Variants in PRDM12 observed in about 807,000 individuals in gnomAD.
PRDM12 encodes the protein PR/SET domain 12, also known as PR domain zinc finger protein 12.
PRDM12 carries 17 observed loss-of-function variants against 29.6 expected under a neutral mutation model. That is an observed-to-expected ratio of 0.57 (90% confidence interval 0.39 to 0.86). The LOEUF (loss-of-function observed/expected upper bound fraction) is 0.86, where lower values mean the gene tolerates loss of function less well. Among genes scored for constraint, PRDM12 ranks in the 40% least tolerant of loss-of-function variants. The probability of loss-of-function intolerance (pLI) is 0.00; values close to 1 mark genes in which losing one functional copy is unlikely to be tolerated. For missense variants in PRDM12, 422 were observed against 510.8 expected (o/e 0.83, Z 1.68); for synonymous variants, 231 against 225.8 (o/e 1.02, Z -0.21).
chr9:130,679,303 A>G (rs1181644598), intron 4 of PRDM12, among the ~76,000 whole-genome samples: 1 of 122,588 alleles, frequency 8.2e-6, no homozygotes, highest in African/African-American at 2.9e-5. Flanking sequence ...ACCTCTGTGT[A>G]TTTTTTTTCT....
At chr9:130,675,976 C>T (rs894233736) in intron 3 of PRDM12, among the ~76,000 whole-genome samples, 6 of 152,322 alleles carry the variant, frequency 3.9e-5, no homozygotes, top group East Asian at 3.9e-4. Flanking sequence ...CCCTGACCCC[C>T]TCATTTGAGG....
In PRDM12 at chr9:130,681,861, G is replaced by GA; in HGVS notation, c.*192_*193insA. ...CGTGTCGCAGATGAGGACACTGAGG[G>GA]CGGCGTCCCTCACCCAGGCCACGCA... On this transcript the variant is annotated 3_prime_UTR_variant, in exon 5 of 5. Transcript: ENST00000253008. This position sits in a 1 kb window ranked among gnomAD's most constrained non-coding sequence, Gnocchi z 8.1. The GA allele has an allele frequency of 4.7e-6, 2 of 421,572 alleles. No homozygotes were observed. The highest frequency in any genetic ancestry group is 3.2e-6 in the Non-Finnish European group (1 of 314,506). 26.1% of individuals were successfully genotyped at this position (421,572 alleles called of 1,614,324 possible).
chr9:130,681,838 T>A lies in PRDM12; in HGVS notation c.*169T>A. On this transcript the variant is annotated 3_prime_UTR_variant, in exon 5 of 5. Coordinates refer to ENST00000253008, the MANE Select transcript of PRDM12 (RefSeq NM_021619.3). This position sits in a 1 kb window ranked among gnomAD's most constrained non-coding sequence, Gnocchi z 8.1. ...TCTCAGGCACCCCCGCCTTGGCCCGTGTCGCAGATGAGGACACTGAGGGCG... is the reference window on the plus strand; with the variant it reads ...TCTCAGGCACCCCCGCCTTGGCCCGAGTCGCAGATGAGGACACTGAGGGCG... 1.8e-6 allele frequency: 1 copy of A among 568,842 alleles called. No individual in the cohort carries two copies. Among genetic ancestry groups the A allele is most frequent in the Non-Finnish European group, 2.2e-6 (1 of 449,708 alleles). 35.2% of individuals were successfully genotyped at this position (568,842 alleles called of 1,614,324 possible).
rs757385860 is a variant in PRDM12, at chr9:130,678,568, A to G, written c.610A>G (p.Asn204Asp). ...PDQELLVWYG[N>D]SHNTFLGIPG... ...CCAGGAACTGCTGGTGTGGTACGGA[A>G]ACTCACACAACACCTTCCTGGGGAT... is the stretch of plus-strand genomic sequence containing the variant. The change falls in exon 4 of 5, where the codon AAC becomes GAC. Residue 204 changes from asparagine to aspartate, a missense_variant. Coordinates refer to ENST00000253008, the MANE Select transcript of PRDM12 (RefSeq NM_021619.3). 2 of 1,613,586 alleles carry G rather than the reference A, an allele frequency of 1.2e-6. No homozygotes were observed. Among genetic ancestry groups the G allele is most frequent in the Non-Finnish European group, 1.7e-6 (2 of 1,179,754 alleles).
rs1588183288 is a variant in PRDM12, at chr9:130,664,839, C to T, written c.186C>T (p.Ala62=). The change falls in exon 1 of 5, where the codon GCC becomes GCT. Residue 62 remains alanine, a synonymous_variant. Coordinates refer to ENST00000253008, the MANE Select transcript of PRDM12 (RefSeq NM_021619.3). This position sits in a 1 kb window ranked among gnomAD's most constrained non-coding sequence, Gnocchi z 6.4. ...DKSHHASPKT[A]FTAEVLAQSF... The stretch of plus-strand genomic sequence containing the variant: ...GCCACCACGCCAGCCCCAAGACAGC[C>T]TTCACCGCCGAGGTGCTGGCGCAGT... 6.4e-7 allele frequency: 1 copy of T among 1,551,244 alleles called. No individual in the cohort carries two copies. Among genetic ancestry groups the T allele is most frequent in the Middle Eastern group, 2.2e-4 (1 of 4,480 alleles).
At chr9:130,665,013 TG>T in intron 1 of PRDM12, 137 bp downstream of exon 1, 4 of 888,526 alleles carry the variant, frequency 4.5e-6, no homozygotes, top group Non-Finnish European at 6.6e-6. Context: ...CGGCGCTCGG[TG>T]CACCTCAGTT....
chr9:130,669,917 G>C (rs1470937557), intron 3 of PRDM12, among the ~76,000 whole-genome samples: 1 of 151,846 alleles, frequency 6.6e-6, no homozygotes, highest in Non-Finnish European at 1.5e-5. Flanking sequence ...GTGGGAAGAG[G>C]AGGGTGGGAA....
Position 130,681,922 on chromosome 9 carries a change from G to A in PRDM12, c.*253G>A, listed in dbSNP as rs1830909045. Reference sequence around the variant, plus strand: ...CTGTTCGGCCGCCTCCTCTGGGAGGGGGTCCCCCTGCCTGGCCTCGCCCCC... The same window carrying A: ...CTGTTCGGCCGCCTCCTCTGGGAGGAGGTCCCCCTGCCTGGCCTCGCCCCC... On this transcript the variant is annotated 3_prime_UTR_variant, in exon 5 of 5. Transcript: ENST00000253008. This position sits in a 1 kb window ranked among gnomAD's most constrained non-coding sequence, Gnocchi z 8.1. 1.0e-5 allele frequency: 2 copies of A among 200,394 alleles called. No individual in the cohort carries two copies. Among genetic ancestry groups the A allele is most frequent in the South Asian group, 3.5e-4 (2 of 5,764 alleles). The allele number at this position is 200,394 out of a possible 1,614,324, so 12.4% of individuals were successfully genotyped here. A position where few individuals can be genotyped will look rare whatever the true frequency, so the allele number is the denominator to read the frequency against.
At position 130,680,659 on chromosome 9, in the gene PRDM12, A is replaced by ATATATATATTTT; in HGVS notation, c.683-588_683-587insATATATATTTTT. Among the ~76,000 whole-genome samples, 102 of 72,148 alleles carry ATATATATATTTT rather than the reference A, an allele frequency of 1.4e-3. 1 individual carries two copies. The highest frequency in any genetic ancestry group is 5.9e-3 in the African/African-American group (76 of 12,864). The allele number at this position is 72,148 out of a possible 152,430, so 47.3% of individuals were successfully genotyped here. A position where few individuals can be genotyped will look rare whatever the true frequency, so the allele number is the denominator to read the frequency against. ...AATATATATATATATATATATATAT[A>ATATATATATTTT]TTTTTTTTTTTTTTAACTGATCCTT... On this transcript the variant is annotated intron_variant, in intron 4 of 4. Transcript: ENST00000253008.
chr9:130,666,371 C>T (rs959981522), intron 1 of PRDM12, among the ~76,000 whole-genome samples: 1 of 152,204 alleles, frequency 6.6e-6, no homozygotes, highest in African/African-American at 2.4e-5. Flanking sequence ...AAAAATGATC[C>T]CCAACGCACC....
chr9:130,668,236 A>G lies in PRDM12; in HGVS notation c.493A>G (p.Lys165Glu). The stretch of plus-strand genomic sequence containing the variant: ...CCACCGGAGCTGGATGACCTACATC[A>G]AGTGTGCACGTAACGAACAGGAGCA... ...EDHRSWMTYI[K>E]CARNEQEQNL... The change falls in exon 3 of 5, where the codon AAG (lysine) becomes GAG (glutamate). Residue 165 changes from lysine to glutamate, a missense_variant. Physicochemically the swap from Lys to Glu is moderately conservative, Grantham distance 56. This residue lies in a region of PRDM12 where 300 missense variants were observed against 350.0 expected (regional missense o/e 0.86). Coordinates refer to ENST00000253008, the MANE Select transcript of PRDM12 (RefSeq NM_021619.3). The surrounding 1 kb of genome is among the most constrained non-coding windows in gnomAD (Gnocchi z 4.0). 1 of 1,614,184 alleles carries G rather than the reference A, an allele frequency of 6.2e-7. No homozygotes were observed. The highest frequency in any genetic ancestry group is 8.5e-7 in the Non-Finnish European group (1 of 1,180,034).
intron 4 of PRDM12, among the ~76,000 whole-genome samples, chr9:130,680,659 A>ATATATATATATATATATATATATATTT: frequency 1.4e-5 from 1 of 72,198 alleles, no homozygotes. Context: ...ATATATATAT[A>ATATATATATATATATATATATATATTT]TTTTTTTTTT....
intron 3 of PRDM12, among the ~76,000 whole-genome samples, chr9:130,673,394 C>T (rs188596418): frequency 4.6e-5 from 7 of 152,258 alleles, no homozygotes; most frequent in Admixed American, 3.9e-4. Context: ...AGCCTGGGCA[C>T]GGGGCACAGA....
intron 4 of PRDM12, 33 bp downstream of exon 4, chr9:130,678,673 G>A (rs1830865418): frequency 1.3e-6 from 2 of 1,534,654 alleles, no homozygotes; most frequent in Admixed American, 3.4e-5. Context: ...CTGAGACACA[G>A]ACCCATGGAG....
At chr9:130,679,644 G>A (rs1245554363) in intron 4 of PRDM12, among the ~76,000 whole-genome samples, 3 of 150,330 alleles carry the variant, frequency 2.0e-5, no homozygotes, top group Non-Finnish European at 4.4e-5. Flanking sequence ...GTGAAATTTG[G>A]TTATCCATAT....
chr9:130,674,647 A>G (rs1830824708), intron 3 of PRDM12, among the ~76,000 whole-genome samples: 1 of 152,128 alleles, frequency 6.6e-6, no homozygotes, highest in East Asian at 1.9e-4. Context: ...TCGAAATGGC[A>G]AACGCTTCTG....
chr9:130,666,035 A>G (rs1830730582), intron 1 of PRDM12, among the ~76,000 whole-genome samples: 1 of 152,176 alleles, frequency 6.6e-6, no homozygotes, highest in African/African-American at 2.4e-5. Flanking sequence ...GGGGTCACAC[A>G]GCGAGCGCAG....
At chr9:130,666,478 C>G in intron 1 of PRDM12, 130 bp from the exon 2 acceptor site, 1 of 1,231,904 alleles carries the variant, frequency 8.1e-7, no homozygotes, top group Non-Finnish European at 1.1e-6. Flanking sequence ...CGGGTGGCTT[C>G]TCTGGATTTG....
intron 4 of PRDM12, among the ~76,000 whole-genome samples, chr9:130,680,515 C>T (rs1030093558): frequency 2.7e-5 from 4 of 149,012 alleles, no homozygotes; most frequent in African/African-American, 1.0e-4. Flanking sequence ...CACCTGTATT[C>T]CCAGGGAAGC....
Sources: gnomAD v4.1 joint callset for allele counts (sites outside exome capture counted in the v4.1 genomes callset) on GRCh38, gnomAD v4.1.1 for gene constraint, gnomAD v4.1.1 regional missense constraint, Gnocchi (gnomAD v3.1) non-coding constraint, MANE v1.5 for transcripts, NCBI Gene and HGNC (gene_info 2026-07-23, HGNC 2026-07-21) for gene names.